PREX2: variants seen among roughly 807,000 people sequenced by gnomAD.
The protein encoded by PREX2 is phosphatidylinositol-3,4,5-trisphosphate dependent Rac exchange factor 2.
A neutral mutation model predicts 203.2 loss-of-function variants in PREX2; 107 were observed. The observed-to-expected ratio is 0.53, with a 90% CI of 0.45 to 0.62. The LOEUF (loss-of-function observed/expected upper bound fraction) is 0.62. Ranked by LOEUF, PREX2 falls within the 20% of genes least tolerant of loss-of-function variation. PREX2 has a pLI of 0.00. For synonymous variants in PREX2, 672 were observed against 663.6 expected (o/e 1.01, Z -0.19); for missense variants, 1,777 against 1,955.9 (o/e 0.91, Z 1.72).
At chr8:67,956,090 A>C (rs547395007) in intron 1 of PREX2, among the ~76,000 whole-genome samples, 1 of 152,196 alleles carries the variant, frequency 6.6e-6, no homozygotes, top group African/African-American at 2.4e-5. Flanking sequence ...AATGGTAGAG[A>C]GTGACATAAT....
At chr8:68,118,407 C>T (rs1014742096) in intron 26 of PREX2, 143 bp from the exon 27 acceptor site, 9 of 549,922 alleles carry the variant, frequency 1.6e-5, no homozygotes, top group Non-Finnish European at 2.9e-5. Flanking sequence ...GTAAGATAGA[C>T]TGAGTTGAAC....
chr8:67,978,825 T>C (rs1806186313), intron 1 of PREX2, among the ~76,000 whole-genome samples: 1 of 152,220 alleles, frequency 6.6e-6, no homozygotes, highest in Non-Finnish European at 1.5e-5. Flanking sequence ...TATTTATTCT[T>C]ATGATAATGC....
At chr8:68,016,939 T>C (rs1000812843) in intron 1 of PREX2, among the ~76,000 whole-genome samples, 14 of 152,298 alleles carry the variant, frequency 9.2e-5, no homozygotes, top group Admixed American at 3.3e-4. Flanking sequence ...AAATTTGAGA[T>C]ATATTGTCAA....
intron 15 of PREX2, 82 bp from the exon 16 acceptor site, chr8:68,080,361 T>C: frequency 1.6e-6 from 2 of 1,245,240 alleles, no homozygotes; most frequent in Non-Finnish European, 2.3e-6. Context: ...GTGCAGGTAT[T>C]AATTTGTAAA....
intron 11 of PREX2, among the ~76,000 whole-genome samples, chr8:68,063,206 A>G (rs186354501): frequency 6.6e-6 from 1 of 152,312 alleles, no homozygotes; most frequent in East Asian, 1.9e-4. Flanking sequence ...ATAGGATCGC[A>G]TAGATCTTAT....
At chr8:68,074,304 T>C (rs1809284327) in intron 14 of PREX2, among the ~76,000 whole-genome samples, 2 of 152,262 alleles carry the variant, frequency 1.3e-5, no homozygotes, top group South Asian at 4.1e-4. Flanking sequence ...TGGTTTATTA[T>C]GACAATGTCT....
chr8:68,224,763 C>T (rs768496436), intron 39 of PREX2, 137 bp downstream of exon 39: 21 of 621,792 alleles, frequency 3.4e-5, no homozygotes, highest in Non-Finnish European at 4.9e-5. Context: ...GCCCTTGAAA[C>T]ACCCAATGGC....
intron 10 of PREX2, among the ~76,000 whole-genome samples, chr8:68,057,463 C>T (rs1808715366): frequency 6.6e-6 from 1 of 152,154 alleles, no homozygotes; most frequent in African/African-American, 2.4e-5. Flanking sequence ...GGCCAGGAAA[C>T]CCTCTGCCTG....
chr8:68,097,513 T>G (rs1978760), intron 22 of PREX2, among the ~76,000 whole-genome samples: 1 of 151,960 alleles, frequency 6.6e-6, no homozygotes, highest in East Asian at 1.9e-4. Context: ...TTAGTAGAGA[T>G]GAGGTTTCAC....
intron 19 of PREX2, among the ~76,000 whole-genome samples, chr8:68,090,047 GTATA>G (rs1453930575): frequency 6.6e-6 from 1 of 152,048 alleles, no homozygotes; most frequent in Non-Finnish European, 1.5e-5. Flanking sequence ...CTGACTTTTT[GTATA>G]TATGTCAAAC....
chr8:68,215,794 C>T (rs975237354), intron 37 of PREX2, among the ~76,000 whole-genome samples: 2 of 152,150 alleles, frequency 1.3e-5, no homozygotes, highest in Admixed American at 6.5e-5. Flanking sequence ...GCCTCGGCCT[C>T]CCAAAATGCT....
intron 31 of PREX2, among the ~76,000 whole-genome samples, chr8:68,133,449 G>A (rs1811047960): frequency 6.6e-6 from 1 of 152,046 alleles, no homozygotes; most frequent in African/African-American, 2.4e-5. Flanking sequence ...TTACTTATTT[G>A]AAAGAATTAT....
rs71253064 is a variant in PREX2, at chr8:68,130,114, CAAAAAAA to C, written c.3766+2708_3766+2714del. 9.7e-5 allele frequency among the ~76,000 whole-genome samples: 10 copies of C among 102,674 alleles called. No individual in the cohort carries two copies. In the East Asian group the frequency reaches 1.4e-3, roughly 15 times the overall value. 67.4% of individuals were successfully genotyped at this position (102,674 alleles called of 152,430 possible). On this transcript the variant is annotated intron_variant, in intron 31 of 39. Coordinates refer to ENST00000288368, the MANE Select transcript of PREX2 (RefSeq NM_024870.4). Reference sequence around the variant, plus strand: ...ATATCATAGTGAGGCCCTGCCTCTGCAAAAAAAAAAAAAAAAAAATTAAAAATTAGCC... The same window carrying C: ...ATATCATAGTGAGGCCCTGCCTCTGCAAAAAAAAAAAATTAAAAATTAGCC...
intron 11 of PREX2, among the ~76,000 whole-genome samples, chr8:68,063,249 A>G (rs1163512226): frequency 1.3e-5 from 2 of 152,174 alleles, no homozygotes; most frequent in Non-Finnish European, 2.9e-5. Context: ...AGTGGCAGAA[A>G]TTGAGTAGTT....
intron 23 of PREX2, among the ~76,000 whole-genome samples, chr8:68,100,823 GC>G (rs1810242172): frequency 6.6e-6 from 1 of 152,172 alleles, no homozygotes; most frequent in Non-Finnish European, 1.5e-5. Flanking sequence ...GAAAGATCAT[GC>G]TTTTGTAGGA....
chr8:68,141,623 G>A (rs1303155576), intron 33 of PREX2, among the ~76,000 whole-genome samples: 5 of 152,198 alleles, frequency 3.3e-5, no homozygotes, highest in Non-Finnish European at 7.3e-5. Flanking sequence ...TTTAAGCTGA[G>A]ATCTGAAGCA....
chr8:68,145,974 G>A (rs1316416754), intron 33 of PREX2, among the ~76,000 whole-genome samples: 1 of 151,958 alleles, frequency 6.6e-6, no homozygotes, highest in East Asian at 1.9e-4. Context: ...GTGTAACAAA[G>A]TTTCCTATTA....
chr8:68,116,690 T>C (rs1810665896), intron 26 of PREX2, among the ~76,000 whole-genome samples: 1 of 152,188 alleles, frequency 6.6e-6, no homozygotes, highest in South Asian at 2.1e-4. Flanking sequence ...GAGGACATTT[T>C]ATAGGGTGGC....
At chr8:68,061,621 A>C (rs970483913) in intron 11 of PREX2, among the ~76,000 whole-genome samples, 1 of 152,206 alleles carries the variant, frequency 6.6e-6, no homozygotes, top group Non-Finnish European at 1.5e-5. Flanking sequence ...GTGATGAAGA[A>C]TGAAGAGAGA....
Sources: gnomAD v4.1 joint callset for allele counts (sites outside exome capture counted in the v4.1 genomes callset) on GRCh38, gnomAD v4.1.1 for gene constraint, MANE v1.5 for transcripts, NCBI Gene and HGNC (gene_info 2026-07-23, HGNC 2026-07-21) for gene names.